The following FRS2 variants were observed in gnomAD, a reference collection of about 807,000 sequenced individuals.
FRS2 encodes the protein fibroblast growth factor receptor substrate 2, also known as FGFR signalling adaptor.
Under a neutral mutation model 43.9 loss-of-function variants are expected in FRS2, and 8 were observed. The observed-to-expected ratio is 0.18, with a 90% confidence interval of 0.11 to 0.33. The LOEUF (loss-of-function observed/expected upper bound fraction) is 0.33, where lower values mean the gene tolerates loss of function less well. Among genes scored for constraint, FRS2 ranks in the 10% least tolerant of loss-of-function variants. FRS2 has a pLI of 1.00. For missense variants in FRS2, 534 were observed against 627.6 expected (o/e 0.85, Z 1.59); for synonymous variants, 219 against 220.3 (o/e 0.99, Z 0.05).
In FRS2 at chr12:69,537,434, T is replaced by G. The variant is rs534412976; in HGVS notation, c.-122+5378T>G. On this transcript the variant is annotated intron_variant, in intron 3 of 8. Transcript: ENST00000549921. ...TTTTCTTTGTTTAAAGATGTCTTTA[T>G]TTCATCTTCATTCTTGAAAGGTAGT... 9.2e-5 allele frequency among the ~76,000 whole-genome samples: 14 copies of G among 152,294 alleles called. No homozygotes were observed. In the South Asian group the frequency reaches 2.1e-3, roughly 23 times the overall value.
At position 69,569,072 on chromosome 12, in the gene FRS2, A is replaced by G. The variant is rs377647712; in HGVS notation, c.42A>G (p.Pro14=). The G allele has an allele frequency of 2.0e-5, 32 of 1,611,574 alleles. No individual in the cohort carries two copies. Among genetic ancestry groups the G allele is most frequent in the African/African-American group, 2.7e-5 (2 of 74,876 alleles). ...CCSCPDKDTV[P]DNHRNKFKVI... Reference sequence around the variant, plus strand: ...GCTGTCCAGATAAAGACACTGTCCCAGATAACCATCGGAACAAGTTTAAGG... The same window carrying G: ...GCTGTCCAGATAAAGACACTGTCCCGGATAACCATCGGAACAAGTTTAAGG... Residue 14 remains proline (P), a synonymous_variant, in exon 5 of 9, where the codon CCA becomes CCG. Coordinates refer to ENST00000549921, the MANE Select transcript of FRS2 (RefSeq NM_001278356.2).
At chr12:69,503,906 C>T (rs977407439) in intron 1 of FRS2, among the ~76,000 whole-genome samples, 3 of 152,044 alleles carry the variant, frequency 2.0e-5, no homozygotes, top group Admixed American at 6.5e-5. Flanking sequence ...ATTGCTTTTA[C>T]AGATTTTTAA....
intron 1 of FRS2, among the ~76,000 whole-genome samples, chr12:69,503,865 T>G (rs1375168351): frequency 1.3e-5 from 2 of 152,184 alleles, no homozygotes; most frequent in African/African-American, 4.8e-5. Flanking sequence ...GTGCTTTTAT[T>G]TTTTAAATCC....
intron 1 of FRS2, among the ~76,000 whole-genome samples, chr12:69,495,802 G>A (rs1408410415): frequency 1.3e-5 from 2 of 152,058 alleles, no homozygotes; most frequent in African/African-American, 4.8e-5. Flanking sequence ...CTTGGGTGGT[G>A]CACACCTGTA....
At chr12:69,490,422 A>T (rs1428167661) in intron 1 of FRS2, among the ~76,000 whole-genome samples, 3 of 138,830 alleles carry the variant, frequency 2.2e-5, no homozygotes, top group Non-Finnish European at 3.0e-5. Flanking sequence ...ATACCTTGAA[A>T]ATGTGTGGGT....
chr12:69,473,938 G>A (rs1340856177), intron 1 of FRS2, among the ~76,000 whole-genome samples: 1 of 152,156 alleles, frequency 6.6e-6, no homozygotes, highest in East Asian at 1.9e-4. Flanking sequence ...CGCCTCCTGG[G>A]TTCAAGTGAT....
chr12:69,549,941 T>C (rs1757225343), intron 3 of FRS2, among the ~76,000 whole-genome samples: 5 of 152,194 alleles, frequency 3.3e-5, no homozygotes, highest in Admixed American at 3.3e-4. Flanking sequence ...CTTTAGATGT[T>C]GGTGTTTCTG....
At chr12:69,530,058 G>GA (rs906096341) in intron 1 of FRS2, among the ~76,000 whole-genome samples, 248 of 147,108 alleles carry the variant, frequency 1.7e-3, no homozygotes, top group African/African-American at 5.8e-3. Context: ...CGTCTCAAAA[G>GA]AAAAAAAAAC....
intron 1 of FRS2, among the ~76,000 whole-genome samples, chr12:69,517,424 C>G (rs1329912337): frequency 6.6e-6 from 1 of 151,708 alleles, no homozygotes; most frequent in Non-Finnish European, 1.5e-5. Flanking sequence ...CGAAACACTT[C>G]TGGTTTCAAG....
At chr12:69,476,043 G>A (rs899187613) in intron 1 of FRS2, among the ~76,000 whole-genome samples, 1 of 151,906 alleles carries the variant, frequency 6.6e-6, no homozygotes, top group Non-Finnish European at 1.5e-5. Flanking sequence ...CTCCTTCCTC[G>A]TGCCCCTTTT....
intron 3 of FRS2, among the ~76,000 whole-genome samples, chr12:69,541,694 A>G (rs1430726270): frequency 6.6e-6 from 1 of 151,856 alleles, no homozygotes; most frequent in Non-Finnish European, 1.5e-5. Flanking sequence ...ATGCGGTGGC[A>G]TATGTCTGTA....
At chr12:69,523,436 T>A (rs1375248767) in intron 1 of FRS2, among the ~76,000 whole-genome samples, 1 of 152,240 alleles carries the variant, frequency 6.6e-6, no homozygotes, top group African/African-American at 2.4e-5. Context: ...TGGTAGATTT[T>A]TCTCCACTCC....
At chr12:69,475,170 T>C (rs944284376) in intron 1 of FRS2, among the ~76,000 whole-genome samples, 3 of 152,258 alleles carry the variant, frequency 2.0e-5, no homozygotes, top group Non-Finnish European at 2.9e-5. Context: ...ATTATAATAG[T>C]TTGCAGAATG....
At chr12:69,476,705 A>G (rs1404011278) in intron 1 of FRS2, among the ~76,000 whole-genome samples, 1 of 118,610 alleles carries the variant, frequency 8.4e-6, no homozygotes, top group African/African-American at 3.3e-5. Flanking sequence ...TGAGGAGCTT[A>G]TTGACTCCCT....
intron 3 of FRS2, among the ~76,000 whole-genome samples, chr12:69,533,068 T>C (rs983392721): frequency 3.9e-5 from 6 of 152,248 alleles, no homozygotes; most frequent in Non-Finnish European, 8.8e-5. Flanking sequence ...TAGGTTCTTT[T>C]ACTAATCTTA....
chr12:69,495,198 C>T (rs7304218), intron 1 of FRS2, among the ~76,000 whole-genome samples: 9,070 of 152,244 alleles, frequency 0.06, 915 homozygotes, highest in African/African-American at 0.21. Flanking sequence ...TTGTTTTTCT[C>T]ATCCCAGAAC....
chr12:69,541,480 G>T, intron 3 of FRS2, among the ~76,000 whole-genome samples: 1 of 152,142 alleles, frequency 6.6e-6, no homozygotes, highest in Non-Finnish European at 1.5e-5. Context: ...AAAGAATATA[G>T]CATTAATATT....
chr12:69,504,226 G>T (rs1182021985), intron 1 of FRS2, among the ~76,000 whole-genome samples: 1 of 152,164 alleles, frequency 6.6e-6, no homozygotes, highest in Non-Finnish European at 1.5e-5. Flanking sequence ...TGAATGCAGT[G>T]TGGTGGCAGG....
At chr12:69,536,793 T>A (rs891063753) in intron 3 of FRS2, among the ~76,000 whole-genome samples, 1 of 152,044 alleles carries the variant, frequency 6.6e-6, no homozygotes, top group Non-Finnish European at 1.5e-5. Context: ...GGTCTTGAAT[T>A]CCTGGACTCA....
Sources: allele counts gnomAD v4.1 joint callset (sites outside exome capture counted in the v4.1 genomes callset), GRCh38; gene constraint gnomAD v4.1.1; transcripts MANE v1.5; gene names NCBI Gene and HGNC (gene_info 2026-07-23, HGNC 2026-07-21).